Variants in KBTBD3 observed in about 807,000 individuals in gnomAD.
KBTBD3 encodes the protein kelch repeat and BTB domain containing 3.
A neutral mutation model predicts 49.6 loss-of-function variants in KBTBD3; 38 were observed. The observed-to-expected ratio is 0.77, with a 90% confidence interval of 0.59 to 1.00. The LOEUF (loss-of-function observed/expected upper bound fraction) is 1.00, where lower values mean the gene tolerates loss of function less well. Ranked by LOEUF, KBTBD3 falls within the 50% of genes least tolerant of loss-of-function variation. The pLI, the probability that KBTBD3 is intolerant of heterozygous loss-of-function variation, is 0.00. For missense variants in KBTBD3, 661 were observed against 712.0 expected (o/e 0.93, Z 0.81); for synonymous variants, 214 against 250.4 (o/e 0.85, Z 1.37).
At chr11:106,066,744 A>C (rs1008131411) in intron 2 of KBTBD3, among the ~76,000 whole-genome samples, 2 of 151,852 alleles carry the variant, frequency 1.3e-5, no homozygotes, top group Admixed American at 6.6e-5. Flanking sequence ...AAAAAAAAAA[A>C]AAACAAAAAG....
chr11:106,054,598 GAAT>G (rs1227154459), intron 3 of KBTBD3, 143 bp from the exon 4 acceptor site: 7 of 409,258 alleles, frequency 1.7e-5, no homozygotes, highest in East Asian at 8.2e-5. Context: ...TTAATATCTA[GAAT>G]AATTATATAA....
chr11:106,058,767 A>T, intron 3 of KBTBD3, 98 bp downstream of exon 3: 1 of 712,128 alleles, frequency 1.4e-6, no homozygotes, highest in Non-Finnish European at 2.3e-6. Context: ...ATTAAAAATT[A>T]CTGTTGCATG....
intron 2 of KBTBD3, among the ~76,000 whole-genome samples, chr11:106,067,261 C>T (rs568623766): frequency 3.9e-5 from 6 of 152,270 alleles, no homozygotes; most frequent in South Asian, 2.1e-4. Context: ...GTGCTTCTAT[C>T]GTTCTCCTCC....
chr11:106,054,331 C>T lies in KBTBD3; in HGVS notation c.358G>A (p.Asp120Asn). The change falls in exon 4 of 4, where the codon GAT becomes AAT. Residue 120 changes from aspartate (D) to asparagine (N), a missense_variant. Physicochemically the swap from Asp to Asn is conservative, Grantham distance 23. Transcript: ENST00000531837. ...AACTGGAAGAACATTTCCACATTAT[C>T]ATCTGTTATTTTTGTTTTTCCAGTA... ...AYTGKTKITD[D>N]NVEMFFQLSS... 6.2e-7 allele frequency: 1 copy of T among 1,613,234 alleles called. No homozygotes were observed. Among genetic ancestry groups the T allele is most frequent in the South Asian group, 1.1e-5 (1 of 90,970 alleles).
chr11:106,070,660 G>T lies in KBTBD3; in HGVS notation c.-13+5847C>A, dbSNP rs1310626606. ...CATTGCTGGTGGAAATAGTTTGGCA[G>T]TTTCTTAAAAAAACTAAACATACAC... On this transcript the variant is annotated intron_variant, in intron 2 of 3. Transcript: ENST00000531837. Among the ~76,000 whole-genome samples, 4 of 152,040 alleles carry T rather than the reference G, an allele frequency of 2.6e-5. No homozygotes were observed. The East Asian group carries it at 7.7e-4, about 29-fold the overall frequency.
rs542165746 is a variant in KBTBD3 at position 106,062,285 on chromosome 11, T to C, written c.-12-3176A>G. On this transcript the variant is annotated intron_variant, in intron 2 of 3. Coordinates refer to ENST00000531837, the MANE Select transcript of KBTBD3 (RefSeq NM_198439.3). ...ACTAGAGAAAACAAAACCAATGTGA[T>C]GGATGAAGATGAGGGCAGAGAGAGA... Among the ~76,000 whole-genome samples the C allele has an allele frequency of 2.6e-5, 4 of 152,100 alleles. No individual in the cohort carries two copies. The South Asian group carries it at 8.3e-4, about 32-fold the overall frequency.
At position 106,073,094 on chromosome 11, in the gene KBTBD3, T is replaced by C. The variant is rs192813328; in HGVS notation, c.-13+3413A>G. Reference sequence around the variant, plus strand: ...ATAATGTGCCATGCTTTGTACTATATTTTTTGTTTGTTTTTTTGAGACAGG... The same window carrying C: ...ATAATGTGCCATGCTTTGTACTATACTTTTTGTTTGTTTTTTTGAGACAGG... On this transcript the variant is annotated intron_variant, in intron 2 of 3. Transcript: ENST00000531837. 3.3e-3 allele frequency among the ~76,000 whole-genome samples: 500 copies of C among 152,050 alleles called. 5 individuals are homozygous for C. The highest frequency in any genetic ancestry group is 0.01 in the Admixed American group (160 of 15,262).
At chr11:106,064,406 A>G (rs539053410) in intron 2 of KBTBD3, among the ~76,000 whole-genome samples, 3 of 151,840 alleles carry the variant, frequency 2.0e-5, no homozygotes, top group Non-Finnish European at 4.4e-5. Context: ...TTAGCCGGGC[A>G]TGATGGCAGC....
intron 2 of KBTBD3, among the ~76,000 whole-genome samples, chr11:106,066,748 CA>C (rs1860816892): frequency 1.7e-5 from 2 of 120,840 alleles, no homozygotes; most frequent in Admixed American, 8.1e-5. Context: ...AAAAAAAAAA[CA>C]AAAAGACTCT....
chr11:106,059,138 G>T, intron 2 of KBTBD3, 29 bp from the exon 3 acceptor site: 2 of 1,296,586 alleles, frequency 1.5e-6, no homozygotes, highest in Non-Finnish European at 1.1e-6. Flanking sequence ...CACCGATGTA[G>T]TAGAGACCTA....
rs1861053383 is a variant in KBTBD3, at chr11:106,077,296, C to A, written c.-214+16G>T. The A allele has an allele frequency of 5.2e-6, 1 of 190,980 alleles. No homozygotes were observed. The highest frequency in any genetic ancestry group is 7.5e-5 in the South Asian group (1 of 13,404). The allele number at this position is 190,980 out of a possible 1,614,324, so 11.8% of individuals were successfully genotyped here. A position where few individuals can be genotyped will look rare whatever the true frequency, so the allele number is the denominator to read the frequency against. ...CTACCATCCCACTCCTCCCTCAGAC[C>A]CCGGAGCTCACCCACCTGCAACTGC... On this transcript the variant is annotated intron_variant, in intron 1 of 3. Transcript: ENST00000531837.
Position 106,052,213 on chromosome 11 carries a change from C to T in KBTBD3, c.*637G>A, listed in dbSNP as rs1860432269. ...AGAGAGAGCTAGAAATTGAAACCAA[C>T]TGACATTGAAAACTAATCAGCAATT... On this transcript the variant is annotated 3_prime_UTR_variant, in exon 4 of 4. Coordinates refer to ENST00000531837, the MANE Select transcript of KBTBD3 (RefSeq NM_198439.3). 6.6e-6 allele frequency: 1 copy of T among 151,336 alleles called. No individual in the cohort carries two copies. The highest frequency in any genetic ancestry group is 1.5e-5 in the Non-Finnish European group (1 of 67,674). The allele number at this position is 151,336 out of a possible 1,614,324, so 9.4% of individuals were successfully genotyped here.
chr11:106,070,980 T>C (rs1327596509), intron 2 of KBTBD3, among the ~76,000 whole-genome samples: 1 of 152,146 alleles, frequency 6.6e-6, no homozygotes, highest in East Asian at 1.9e-4. Context: ...AATGTCAAAT[T>C]CCTGGTTTTG....
In KBTBD3 at chr11:106,053,157, A is replaced by C; in HGVS notation, c.1532T>G (p.Leu511Arg). 6.2e-7 allele frequency: 1 copy of C among 1,613,500 alleles called. No homozygotes were observed. Among genetic ancestry groups the C allele is most frequent in the Middle Eastern group, 1.6e-4 (1 of 6,062 alleles). Residue 511 changes from leucine (L) to arginine (R), a missense_variant, in exon 4 of 4, where the codon CTG (leucine) becomes CGG (arginine). Transcript: ENST00000531837. ...ATAGGTGGAAAGGTCACATATATAC[A>C]GTGTACAGTTTACTGGTACAGCTTT... Reference protein sequence around the residue: ...LIKAVPVNCTLYICDLSTYKV... With the variant: ...LIKAVPVNCTRYICDLSTYKV...
In KBTBD3 at chr11:106,059,641, G is replaced by A. The variant is rs73554754; in HGVS notation, c.-12-532C>T. Among the ~76,000 whole-genome samples the A allele has an allele frequency of 3.3e-3, 503 of 152,292 alleles. 2 individuals carry two copies. Among genetic ancestry groups the A allele is most frequent in the African/African-American group, 0.011 (477 of 41,558 alleles). ...TGCATTAATTAGTTATGGCTTTAGT[G>A]AAGAAGAAAAAGGCAAGCACTTTTC... On this transcript the variant is annotated intron_variant, in intron 2 of 3. Transcript: ENST00000531837.
chr11:106,077,099 G>T (rs1284338548), intron 1 of KBTBD3, among the ~76,000 whole-genome samples: 1 of 152,150 alleles, frequency 6.6e-6, no homozygotes, highest in East Asian at 1.9e-4. Context: ...GCGGATGGGG[G>T]CAGGGAAAGA....
intron 2 of KBTBD3, among the ~76,000 whole-genome samples, chr11:106,073,806 G>A (rs937456102): frequency 6.6e-6 from 1 of 152,232 alleles, no homozygotes; most frequent in African/African-American, 2.4e-5. Context: ...TGCTACCTCA[G>A]TCAGGATGCT....
In KBTBD3 at chr11:106,054,002, T is replaced by C; in HGVS notation, c.687A>G (p.Ser229=). The C allele has an allele frequency of 6.2e-7, 1 of 1,613,852 alleles. No homozygotes were observed. The highest frequency in any genetic ancestry group is 8.5e-7 in the Non-Finnish European group (1 of 1,179,882). ...TCAAATGAGGCAGATACTTTTGCCT[T>C]GATTCTAAGTTATGTTTAGTCCAAC... The part of the protein sequence containing the change: ...VLSWTKHNLE[S]RQKYLPHLIE... The change falls in exon 4 of 4, where the codon TCA becomes TCG. Residue 229 remains serine, a synonymous_variant. Transcript: ENST00000531837.
chr11:106,072,923 A>T (rs1301420728), intron 2 of KBTBD3, among the ~76,000 whole-genome samples: 1 of 152,236 alleles, frequency 6.6e-6, no homozygotes, highest in East Asian at 1.9e-4. Flanking sequence ...AAAATGACAT[A>T]ATAAATAAAG....
Sources: gnomAD v4.1 joint callset for allele counts (sites outside exome capture counted in the v4.1 genomes callset) on GRCh38, gnomAD v4.1.1 for gene constraint, MANE v1.5 for transcripts, NCBI Gene and HGNC (gene_info 2026-07-23, HGNC 2026-07-21) for gene names.